NTRK2: variants seen among roughly 807,000 people sequenced by gnomAD.
NTRK2 encodes the protein neurotrophic receptor tyrosine kinase 2.
A neutral mutation model predicts 94.5 loss-of-function variants in NTRK2; 13 were observed. The observed-to-expected ratio is 0.14, with a 90% CI of 0.09 to 0.22. The LOEUF (loss-of-function observed/expected upper bound fraction) is 0.22. Ranked by LOEUF, NTRK2 falls within the 10% of genes least tolerant of loss-of-function variation. The pLI is 1.00. For missense variants in NTRK2, 639 were observed against 1,071.2 expected, an observed-to-expected ratio of 0.60 and a Z score of 5.63; for synonymous variants, 372 against 407.4, an observed-to-expected ratio of 0.91 and a Z score of 1.05.
At chr9:84,675,324 CTTTTTTTTTTT>C (rs536445167) in intron 2 of NTRK2, among the ~76,000 whole-genome samples, 12 of 67,322 alleles carry the variant, frequency 1.8e-4, no homozygotes, top group Non-Finnish European at 2.9e-4. Context: ...TCTTTCTTTC[CTTTTTTTTTTT>C]TTTTTTTTTT....
At chr9:84,806,800 T>C (rs1219006088) in intron 12 of NTRK2, among the ~76,000 whole-genome samples, 2 of 152,252 alleles carry the variant, frequency 1.3e-5, no homozygotes, top group African/African-American at 4.8e-5. Context: ...TGCTCACATC[T>C]CACTTTGTGA....
chr9:84,953,201 C>G (rs1823690184), intron 16 of NTRK2, among the ~76,000 whole-genome samples: 1 of 152,230 alleles, frequency 6.6e-6, no homozygotes, highest in Non-Finnish European at 1.5e-5. Context: ...CTCTAGTATC[C>G]TGAAGAGCCC....
At chr9:84,999,130 G>A (rs1230431196) in intron 17 of NTRK2, among the ~76,000 whole-genome samples, 1 of 152,162 alleles carries the variant, frequency 6.6e-6, no homozygotes, top group Non-Finnish European at 1.5e-5. Flanking sequence ...GGAGGATGAG[G>A]TTAAACACCA....
Position 84,917,416 on chromosome 9 carries a change from C to T in NTRK2, c.1634-16746C>T, listed in dbSNP as rs186509007. 3.5e-3 allele frequency among the ~76,000 whole-genome samples: 535 copies of T among 152,142 alleles called. 3 individuals are homozygous for T. Among genetic ancestry groups the T allele is most frequent in the African/African-American group, 0.012 (505 of 41,490 alleles). Reference sequence around the variant, plus strand: ...GTGTGCAGTGGAAGGAGCACTGGGCCGGGCAGCTTCTTGGTTGCAATGACA... The same window carrying T: ...GTGTGCAGTGGAAGGAGCACTGGGCTGGGCAGCTTCTTGGTTGCAATGACA... On this transcript the variant is annotated intron_variant, in intron 14 of 18. Transcript: ENST00000277120.
chr9:84,728,203 G>A (rs1209103724), intron 9 of NTRK2, among the ~76,000 whole-genome samples: 1 of 152,148 alleles, frequency 6.6e-6, no homozygotes, highest in Non-Finnish European at 1.5e-5. Context: ...TGGAGTGAAA[G>A]AGGACAACTG....
chr9:84,675,440 T>C (rs1440060610), intron 2 of NTRK2, among the ~76,000 whole-genome samples: 4 of 145,570 alleles, frequency 2.7e-5, no homozygotes, highest in Non-Finnish European at 6.0e-5. Flanking sequence ...CATTATTGAA[T>C]ACCATAAACT....
chr9:84,799,736 A>G (rs940141010), intron 12 of NTRK2, among the ~76,000 whole-genome samples: 1 of 152,180 alleles, frequency 6.6e-6, no homozygotes, highest in Non-Finnish European at 1.5e-5. Context: ...ATTCCGTGCC[A>G]TTCTACTGAA....
At chr9:84,760,478 A>G (rs2065457123) in intron 12 of NTRK2, among the ~76,000 whole-genome samples, 1 of 152,222 alleles carries the variant, frequency 6.6e-6, no homozygotes, top group South Asian at 2.1e-4. Context: ...AGTTGAGTCT[A>G]TAGAAAAAAA....
At chr9:84,998,388 G>A (rs181712090) in intron 17 of NTRK2, among the ~76,000 whole-genome samples, 11 of 152,216 alleles carry the variant, frequency 7.2e-5, no homozygotes, top group East Asian at 1.9e-4. Context: ...TAGCTGCACC[G>A]GCCCAGGTCT....
chr9:85,008,773 A>T (rs1831248623), intron 17 of NTRK2, among the ~76,000 whole-genome samples: 1 of 152,202 alleles, frequency 6.6e-6, no homozygotes, highest in African/African-American at 2.4e-5. Context: ...CACAGCGTGA[A>T]TGGTGCCCTT....
chr9:85,005,367 A>G (rs1269307148), intron 17 of NTRK2, among the ~76,000 whole-genome samples: 2 of 152,138 alleles, frequency 1.3e-5, no homozygotes, highest in African/African-American at 4.8e-5. Context: ...TTCCATCACC[A>G]TCTTGGACCC....
intron 8 of NTRK2, among the ~76,000 whole-genome samples, chr9:84,726,491 A>G (rs1349156742): frequency 6.6e-6 from 1 of 151,026 alleles, no homozygotes; most frequent in African/African-American, 2.5e-5. Context: ...TGTCTAAAAA[A>G]ACAAAAAACA....
intron 9 of NTRK2, among the ~76,000 whole-genome samples, chr9:84,733,057 C>A (rs1310547117): frequency 2.0e-5 from 3 of 152,136 alleles, no homozygotes. Flanking sequence ...AAGCCAAATG[C>A]CACCTATACC....
intron 14 of NTRK2, among the ~76,000 whole-genome samples, chr9:84,899,751 G>C (rs1384029087): frequency 6.6e-6 from 1 of 152,126 alleles, no homozygotes; most frequent in African/African-American, 2.4e-5. Flanking sequence ...AAGAGAGTTA[G>C]AGTCAGAACA....
intron 9 of NTRK2, 34 bp from the exon 10 acceptor site, chr9:84,741,858 T>C: frequency 6.2e-7 from 1 of 1,602,270 alleles, no homozygotes; most frequent in Middle Eastern, 1.7e-4. Flanking sequence ...CCAAAATGCA[T>C]ACTTACAAAT....
intron 12 of NTRK2, among the ~76,000 whole-genome samples, chr9:84,825,153 T>C (rs1027175608): frequency 6.6e-6 from 1 of 151,946 alleles, no homozygotes; most frequent in Admixed American, 6.6e-5. Context: ...TCAAGCCAAG[T>C]CTTCCTCACC....
chr9:84,828,985 G>GTT (rs754210014), intron 12 of NTRK2, among the ~76,000 whole-genome samples: 2 of 146,062 alleles, frequency 1.4e-5, no homozygotes, highest in African/African-American at 5.1e-5. Context: ...AATCTATGGT[G>GTT]TTTTTTTTTT....
intron 14 of NTRK2, among the ~76,000 whole-genome samples, chr9:84,924,272 AAAG>A (rs1762417703): frequency 6.6e-6 from 1 of 151,842 alleles, no homozygotes; most frequent in Non-Finnish European, 1.5e-5. Context: ...AGAAAGAAAG[AAAG>A]AAAGAAAGAA....
chr9:84,806,649 C>T (rs556472244), intron 12 of NTRK2, among the ~76,000 whole-genome samples: 6 of 152,124 alleles, frequency 3.9e-5, no homozygotes, highest in African/African-American at 1.4e-4. Flanking sequence ...GTGAGTTGAG[C>T]CAGTTATCTA....
Sources: allele counts gnomAD v4.1 joint callset (sites outside exome capture counted in the v4.1 genomes callset), GRCh38; gene constraint gnomAD v4.1.1; transcripts MANE v1.5; gene names NCBI Gene and HGNC (gene_info 2026-07-23, HGNC 2026-07-21).